The following MAGT1 variants were observed in gnomAD, a reference collection of about 807,000 sequenced individuals.
MAGT1 encodes magnesium transporter 1.
MAGT1 carries 4 observed loss-of-function variants against 28.4 expected under a neutral mutation model. That is an observed-to-expected ratio of 0.14 (90% CI 0.07 to 0.32). The LOEUF is 0.32. Among genes scored for constraint, MAGT1 ranks in the 10% least tolerant of loss-of-function variants. The probability of loss-of-function intolerance (pLI) is 1.00; values close to 1 mark genes in which losing one functional copy is unlikely to be tolerated. For synonymous variants in MAGT1, 89 were observed against 89.7 expected (o/e 0.99, Z 0.04); for missense variants, 193 against 264.5 (o/e 0.73, Z 1.88).
chrX:77,842,570 T>C (rs1332210036), intron 7 of MAGT1, among the ~76,000 whole-genome samples: 4 of 111,966 alleles, frequency 3.6e-5, no homozygotes, highest in African/African-American at 1.3e-4. Flanking sequence ...CTCACGCCTG[T>C]ACTCCCAGCA....
rs781822268 is a variant in MAGT1 at position 77,881,727 on chromosome X, G to A, written c.103-6130C>T. On this transcript the variant is annotated intron_variant, in intron 1 of 9. Coordinates refer to ENST00000618282, the MANE Select transcript of MAGT1 (RefSeq NM_001367916.1). ...GTGAGTAGTGCCAAAATAAACATAC[G>A]TGTGCATGTGTCTTTATAGCAGCAT... Among the ~76,000 whole-genome samples the A allele has an allele frequency of 5.4e-5, 6 of 111,080 alleles. No homozygotes were observed. The East Asian group carries it at 1.4e-3, about 26-fold the overall frequency.
intron 7 of MAGT1, among the ~76,000 whole-genome samples, chrX:77,847,585 T>G (rs1281771347): frequency 9.0e-6 from 1 of 110,929 alleles, no homozygotes; most frequent in African/African-American, 3.3e-5. Context: ...CACAAAGGTC[T>G]TTTGTTAATG....
At chrX:77,857,336 C>A in intron 4 of MAGT1, 21 bp downstream of exon 4, 2 of 1,211,207 alleles carry the variant, frequency 1.7e-6, no homozygotes, top group Non-Finnish European at 2.2e-6. Flanking sequence ...AAGAAACAGT[C>A]TACATAGTTG....
At chrX:77,833,910 A>G (rs1265083898) in intron 8 of MAGT1, among the ~76,000 whole-genome samples, 1 of 110,941 alleles carries the variant, frequency 9.0e-6, no homozygotes, top group African/African-American at 3.3e-5. Context: ...CCAAAACAGC[A>G]TAGTACTGGT....
At chrX:77,848,618 TG>T (rs2076958629) in intron 7 of MAGT1, among the ~76,000 whole-genome samples, 2 of 111,912 alleles carry the variant, frequency 1.8e-5, no homozygotes, top group African/African-American at 6.5e-5. Flanking sequence ...ATACACAACA[TG>T]TCTACAAGTA....
chrX:77,849,895 C>CAAAAAAAAAAAAAAAA (rs1247445316), intron 7 of MAGT1, among the ~76,000 whole-genome samples: 1 of 50,844 alleles, frequency 2.0e-5, no homozygotes, highest in Non-Finnish European at 3.8e-5. Flanking sequence ...AACAAAAAAC[C>CAAAAAAAAAAAAAAAA]AAAAAAAAAA....
At chrX:77,895,165 G>T in intron 1 of MAGT1, 144 bp downstream of exon 1, 1 of 604,577 alleles carries the variant, frequency 1.7e-6, no homozygotes, top group Non-Finnish European at 2.7e-6. Flanking sequence ...CTTCTCTCAC[G>T]AATTCCACAA....
At chrX:77,852,172 G>A (rs2076970373) in intron 7 of MAGT1, among the ~76,000 whole-genome samples, 1 of 112,070 alleles carries the variant, frequency 8.9e-6, no homozygotes, top group Admixed American at 9.5e-5. Context: ...CAAAGTGCTG[G>A]GATTACAGGC....
chrX:77,865,405 T>G (rs782135927), intron 3 of MAGT1, among the ~76,000 whole-genome samples: 1 of 110,655 alleles, frequency 9.0e-6, no homozygotes, highest in African/African-American at 3.3e-5. Flanking sequence ...TTCTCCTGCC[T>G]CAGCCTCCCG....
chrX:77,891,590 A>G (rs1557219486), intron 1 of MAGT1, among the ~76,000 whole-genome samples: 1 of 111,602 alleles, frequency 9.0e-6, no homozygotes. Flanking sequence ...ATAGATAATG[A>G]GTGTAAACTA....
chrX:77,860,140 G>A (rs918794428), intron 3 of MAGT1, among the ~76,000 whole-genome samples: 3 of 111,511 alleles, frequency 2.7e-5, no homozygotes, highest in Non-Finnish European at 5.7e-5. Flanking sequence ...GCTGGAGTGC[G>A]TTGGCGCAAT....
intron 7 of MAGT1, among the ~76,000 whole-genome samples, chrX:77,842,825 T>G (rs1362401488): frequency 9.3e-6 from 1 of 107,974 alleles, no homozygotes; most frequent in Non-Finnish European, 1.9e-5. Context: ...AGACTCCATC[T>G]CAAAAAAAAA....
chrX:77,879,075 G>C lies in MAGT1; in HGVS notation c.103-3478C>G, dbSNP rs782169230. Among the ~76,000 whole-genome samples, 3 of 110,367 alleles carry C rather than the reference G, an allele frequency of 2.7e-5. No homozygotes were observed. In the South Asian group the frequency reaches 1.2e-3, roughly 43 times the overall value. ...ATGTTTTCTTTTTCTTTTTTCTCTC[G>C]AGATGGAGTCTTGCTCTGTCACCCA... On this transcript the variant is annotated intron_variant, in intron 1 of 9. Coordinates refer to ENST00000618282, the MANE Select transcript of MAGT1 (RefSeq NM_001367916.1).
intron 7 of MAGT1, among the ~76,000 whole-genome samples, chrX:77,846,247 C>T (rs2076951191): frequency 1.8e-5 from 2 of 112,110 alleles, no homozygotes; most frequent in South Asian, 7.4e-4. Flanking sequence ...CTTCTGCATT[C>T]ATCACGTAGC....
Position 77,841,277 on chromosome X carries a change from A to G in MAGT1, c.870T>C (p.Ala290=), listed in dbSNP as rs1557214380. 1.7e-6 allele frequency: 2 copies of G among 1,208,530 alleles called. No homozygotes were observed. Among genetic ancestry groups the G allele is most frequent in the Admixed American group, 4.4e-5 (2 of 45,975 alleles). Reference sequence around the variant, plus strand: ...GCTTTCCAATATCCATGTCAGAGGTAGCAGCTTCACATAAAAGCACCATTC... The same window carrying G: ...GCTTTCCAATATCCATGTCAGAGGTGGCAGCTTCACATAAAAGCACCATTC... The part of the protein sequence containing the change: ...TLGMVLLCEA[A]TSDMDIGKRK... The change falls in exon 8 of 10, where the codon GCT becomes GCC. Residue 290 remains alanine (A), a synonymous_variant. Transcript: ENST00000618282.
Position 77,830,878 on chromosome X carries a change from T to C in MAGT1, c.919A>G (p.Ile307Val). The C allele has an allele frequency of 8.8e-7, 1 of 1,140,888 alleles. No individual in the cohort carries two copies. The highest frequency in any genetic ancestry group is 1.2e-6 in the Non-Finnish European group (1 of 849,292). The allele number at this position is 1,140,888 out of a possible 1,213,427, so 94.0% of individuals were successfully genotyped here. Residue 307 changes from isoleucine to valine, a missense_variant, in exon 9 of 10, where the codon ATT becomes GTT. By Grantham distance (29) the Ile-to-Val change is conservative (BLOSUM62 3). Transcript: ENST00000618282. Reference protein sequence around the residue: ...GKRKIMCVAGIGLVVLFFSWM... With the variant: ...GKRKIMCVAGVGLVVLFFSWM... ...CTGAAGAATAATACAACAAGTCCAA[T>C]ACCAGCCACACACATTACTGCAGAA...
In MAGT1 at chrX:77,853,061, A is replaced by G. The variant is rs1416470783; in HGVS notation, c.826+840T>C. On this transcript the variant is annotated intron_variant, in intron 7 of 9. Transcript: ENST00000618282. The stretch of plus-strand genomic sequence containing the variant: ...AAATTTAGATTCTTACTTATCTGAC[A>G]TCGCTTTTACCTGTCTTTGCAGCTT... Among the ~76,000 whole-genome samples, 3 of 112,198 alleles carry G rather than the reference A, an allele frequency of 2.7e-5. No individual in the cohort carries two copies. The East Asian group carries it at 8.3e-4, about 31-fold the overall frequency.
chrX:77,851,485 G>A (rs1378930252), intron 7 of MAGT1, among the ~76,000 whole-genome samples: 3 of 109,035 alleles, frequency 2.8e-5, no homozygotes, highest in Non-Finnish European at 5.8e-5. Flanking sequence ...GCAATTCTCC[G>A]GCCTCAGCCT....
chrX:77,856,943 A>G, intron 4 of MAGT1, 70 bp from the exon 5 acceptor site: 1 of 971,695 alleles, frequency 1.0e-6, no homozygotes, highest in African/African-American at 1.9e-5. Flanking sequence ...TCAAAATAAA[A>G]TCTGAAATGA....
Sources: allele counts gnomAD v4.1 joint callset (sites outside exome capture counted in the v4.1 genomes callset), GRCh38; gene constraint gnomAD v4.1.1; transcripts MANE v1.5; gene names NCBI Gene and HGNC (gene_info 2026-07-23, HGNC 2026-07-21).